GTF3C1: variants seen among roughly 807,000 people sequenced by gnomAD.
GTF3C1 encodes the protein general transcription factor IIIC subunit 1.
Under a neutral mutation model 226.7 loss-of-function variants are expected in GTF3C1, and 57 were observed. The ratio of observed to expected loss-of-function variants is 0.25; its 90% confidence interval spans 0.20 to 0.31. The LOEUF (loss-of-function observed/expected upper bound fraction) is 0.31. Ranked by LOEUF, GTF3C1 falls within the 10% of genes least tolerant of loss-of-function variation. The pLI, the probability that GTF3C1 is intolerant of heterozygous loss-of-function variation, is 1.00. For missense variants in GTF3C1, 2,217 were observed against 2,776.1 expected, an observed-to-expected ratio of 0.80 and a Z score of 4.53; for synonymous variants, 1,090 against 1,084.8, an observed-to-expected ratio of 1.00 and a Z score of -0.09.
chr16:27,477,247 C>T (rs1293382284), intron 28 of GTF3C1, among the ~76,000 whole-genome samples: 2 of 152,130 alleles, frequency 1.3e-5, no homozygotes, highest in Non-Finnish European at 1.5e-5. Context: ...ATGAAGACAA[C>T]AAGGATGAAG....
At position 27,528,624 on chromosome 16, in the gene GTF3C1, T is replaced by G; in HGVS notation, c.947A>C (p.Glu316Ala). 2 of 1,612,360 alleles carry G rather than the reference T, an allele frequency of 1.2e-6. No individual in the cohort carries two copies. The highest frequency in any genetic ancestry group is 1.7e-6 in the Non-Finnish European group (2 of 1,178,424). Residue 316 changes from glutamate (E) to alanine (A), a missense_variant, in exon 6 of 37, where the codon GAA becomes GCA. Around this residue, in one of 12 missense-constraint regions of GTF3C1, gnomAD observed 163 missense variants for 234.3 expected, o/e 0.70. Coordinates refer to ENST00000356183, the MANE Select transcript of GTF3C1 (RefSeq NM_001520.4). ...VSLRLQEIHPECGPCKTKKGT... is the reference protein window; with the variant it reads ...VSLRLQEIHPACGPCKTKKGT... ...TTTCTTTGTCTTACAAGGTCCACAT[T>G]CAGGGTGGATCTCTTGCAAGCGAAG...
Position 27,463,699 on chromosome 16 carries a change from CAG to C in GTF3C1, c.5873-109_5873-108del. 1 of 764,750 alleles carries C rather than the reference CAG, an allele frequency of 1.3e-6. No homozygotes were observed. Among genetic ancestry groups the C allele is most frequent in the Non-Finnish European group, 2.4e-6 (1 of 419,282 alleles). 47.4% of individuals were successfully genotyped at this position (764,750 alleles called of 1,614,324 possible). A position where few individuals can be genotyped will look rare whatever the true frequency, so the allele number is the denominator to read the frequency against. On this transcript the variant is annotated intron_variant, in intron 34 of 36. Coordinates refer to ENST00000356183, the MANE Select transcript of GTF3C1 (RefSeq NM_001520.4). This position sits in a 1 kb window ranked among gnomAD's most constrained non-coding sequence, Gnocchi z 4.9. The stretch of plus-strand genomic sequence containing the variant: ...AGCATGAGCAGGGCACCTCGAGGCT[CAG>C]GGGATGAAGTGTCAAAAAAAAAGGA...
chr16:27,528,189 T>C (rs2088861543), intron 6 of GTF3C1, among the ~76,000 whole-genome samples: 1 of 152,062 alleles, frequency 6.6e-6, no homozygotes, highest in Non-Finnish European at 1.5e-5. Context: ...GCAGGAGAAT[T>C]GCTTGAACCC....
chr16:27,469,630 C>T lies in GTF3C1; in HGVS notation c.4815-80G>A, dbSNP rs2087836735. On this transcript the variant is annotated intron_variant, in intron 31 of 36. Transcript: ENST00000356183. The surrounding 1 kb of genome is among the most constrained non-coding windows in gnomAD (Gnocchi z 4.5). ...CAGCCTCTCCCCTCCCTCAAGAGGC[C>T]TCTGTGGCTGGGCTTCAGCAGTGGC... is the stretch of plus-strand genomic sequence containing the variant. The T allele has an allele frequency of 1.3e-6, 2 of 1,489,202 alleles. No homozygotes were observed. The highest frequency in any genetic ancestry group is 1.4e-5 in the African/African-American group (1 of 72,504). 92.2% of individuals were successfully genotyped at this position (1,489,202 alleles called of 1,614,324 possible). A position where few individuals can be genotyped will look rare whatever the true frequency, so the allele number is the denominator to read the frequency against.
Position 27,537,781 on chromosome 16 carries a change from T to C in GTF3C1, c.752+3A>G. 6.2e-7 allele frequency: 1 copy of C among 1,608,220 alleles called. No individual in the cohort carries two copies. The highest frequency in any genetic ancestry group is 8.5e-7 in the Non-Finnish European group (1 of 1,175,494). ...CTAATGTTTTGGTCACTACAAACCA[T>C]ACCTGTCCACATGAAACCGGTTCAG... On this transcript the variant is annotated splice_donor_region_variant and intron_variant, in intron 4 of 36. Transcript: ENST00000356183.
intron 6 of GTF3C1, among the ~76,000 whole-genome samples, chr16:27,515,705 C>A (rs1265160146): frequency 1.3e-5 from 2 of 152,198 alleles, no homozygotes; most frequent in Non-Finnish European, 2.9e-5. Flanking sequence ...GGGGAAATTA[C>A]CAAGTATGAC....
chr16:27,508,642 G>A lies in GTF3C1; in HGVS notation c.1140C>T (p.Gly380=). ...TTTCAGCTTGGGAAATTCCTTTCGT[G>A]CCTCTGCGCTCAACTGTGAGAAACA... ...TQTYDLIERR[G]TKGISQAEIR... Residue 380 remains glycine, a synonymous_variant, in exon 8 of 37, where the codon GGC becomes GGT. Coordinates refer to ENST00000356183, the MANE Select transcript of GTF3C1 (RefSeq NM_001520.4). 1 of 1,613,662 alleles carries A rather than the reference G, an allele frequency of 6.2e-7. No homozygotes were observed. The highest frequency in any genetic ancestry group is 8.5e-7 in the Non-Finnish European group (1 of 1,179,596).
intron 5 of GTF3C1, among the ~76,000 whole-genome samples, chr16:27,529,065 T>C (rs1228838312): frequency 1.3e-5 from 2 of 152,050 alleles, no homozygotes; most frequent in Non-Finnish European, 2.9e-5. Flanking sequence ...CATGTAAGTG[T>C]ATTACTAATA....
At chr16:27,516,484 C>G (rs552481368) in intron 6 of GTF3C1, among the ~76,000 whole-genome samples, 10 of 152,344 alleles carry the variant, frequency 6.6e-5, no homozygotes, top group African/African-American at 2.4e-4. Flanking sequence ...CAGGGCATAG[C>G]TGATTTATCT....
Position 27,501,327 on chromosome 16 carries a change from A to G in GTF3C1, c.1925T>C (p.Met642Thr), listed in dbSNP as rs2088400868. 2 of 1,614,110 alleles carry G rather than the reference A, an allele frequency of 1.2e-6. No individual in the cohort carries two copies. Among genetic ancestry groups the G allele is most frequent in the Non-Finnish European group, 1.7e-6 (2 of 1,180,000 alleles). Residue 642 changes from methionine to threonine, a missense_variant, in exon 12 of 37, where the codon ATG becomes ACG. Transcript: ENST00000356183. ...ESLFTIQKMI[M>T]DQEKQEGVST... ...CACGCCTTCCTGCTTCTCCTGATCCATGATCATCTTCTGAATCCTGGGCAT... is the reference window on the plus strand; with the variant it reads ...CACGCCTTCCTGCTTCTCCTGATCCGTGATCATCTTCTGAATCCTGGGCAT...
At chr16:27,521,426 C>T (rs1409693570) in intron 6 of GTF3C1, among the ~76,000 whole-genome samples, 1 of 152,244 alleles carries the variant, frequency 6.6e-6, no homozygotes, top group Non-Finnish European at 1.5e-5. Flanking sequence ...TCCTACCTGT[C>T]CCCAGTGTGC....
chr16:27,538,923 T>A (rs962420917), intron 2 of GTF3C1, among the ~76,000 whole-genome samples: 2 of 151,192 alleles, frequency 1.3e-5, no homozygotes, highest in African/African-American at 4.9e-5. Context: ...ATTTCCATAT[T>A]CTTCATAGAA....
At chr16:27,510,532 C>T (rs918881802) in intron 7 of GTF3C1, among the ~76,000 whole-genome samples, 3 of 152,198 alleles carry the variant, frequency 2.0e-5, no homozygotes, top group South Asian at 4.1e-4. Flanking sequence ...CCAGCCTGGG[C>T]GACACAGTCA....
chr16:27,549,290 T>C (rs2089232062), intron 1 of GTF3C1, among the ~76,000 whole-genome samples: 1 of 152,182 alleles, frequency 6.6e-6, no homozygotes, highest in Admixed American at 6.5e-5. Flanking sequence ...GAATATACCA[T>C]GAGGGTCTGT....
chr16:27,541,923 A>C (rs1596664466), intron 2 of GTF3C1, among the ~76,000 whole-genome samples: 1 of 152,094 alleles, frequency 6.6e-6, no homozygotes, highest in African/African-American at 2.4e-5. Context: ...ACTCTGGCCT[A>C]TATCACCCTG....
intron 2 of GTF3C1, among the ~76,000 whole-genome samples, chr16:27,544,298 T>C (rs1442921856): frequency 6.6e-6 from 1 of 151,502 alleles, no homozygotes; most frequent in Non-Finnish European, 1.5e-5. Context: ...GGTGGGAAGA[T>C]CACCTGAGCC....
At chr16:27,493,134 T>C (rs2141380966) in intron 17 of GTF3C1, 65 bp downstream of exon 17, 1 of 854,366 alleles carries the variant, frequency 1.2e-6, no homozygotes, top group Non-Finnish European at 2.1e-6. Flanking sequence ...AATGATGGCT[T>C]AGAGCCCTGA....
At position 27,495,191 on chromosome 16, in the gene GTF3C1, G is replaced by A; in HGVS notation, c.2632+20C>T. The stretch of plus-strand genomic sequence containing the variant: ...CTGGGCCTGCCCGCCCCAGGTGCAG[G>A]AGTGGCAGGGGCCTCTCACCTGTCT... On this transcript the variant is annotated intron_variant, in intron 15 of 36. Transcript: ENST00000356183. The A allele has an allele frequency of 6.3e-7, 1 of 1,585,942 alleles. No homozygotes were observed. Among genetic ancestry groups the A allele is most frequent in the South Asian group, 1.1e-5 (1 of 90,454 alleles).
rs774633349 is a variant in GTF3C1, at chr16:27,471,939, A to G, written c.4354-19T>C. The G allele has an allele frequency of 1.9e-6, 3 of 1,610,988 alleles. No individual in the cohort carries two copies. Among genetic ancestry groups the G allele is most frequent in the Non-Finnish European group, 2.5e-6 (3 of 1,177,520 alleles). On this transcript the variant is annotated intron_variant, in intron 29 of 36. Coordinates refer to ENST00000356183, the MANE Select transcript of GTF3C1 (RefSeq NM_001520.4). The surrounding 1 kb of genome is among the most constrained non-coding windows in gnomAD (Gnocchi z 5.0). The stretch of plus-strand genomic sequence containing the variant: ...GGAAAGTCTGCAACACAGGGCGGCG[A>G]GGGTGAGTAGGGTTCTCCAGCCGGC...
Sources: gnomAD v4.1 joint callset for allele counts (sites outside exome capture counted in the v4.1 genomes callset) on GRCh38, gnomAD v4.1.1 for gene constraint, gnomAD v4.1.1 regional missense constraint, Gnocchi (gnomAD v3.1) non-coding constraint, MANE v1.5 for transcripts, NCBI Gene and HGNC (gene_info 2026-07-23, HGNC 2026-07-21) for gene names.